Variants in KDM6A observed in about 807,000 individuals in gnomAD.
The protein encoded by KDM6A is lysine-specific demethylase 6A.
In KDM6A, 11 loss-of-function variants were observed where a neutral mutation model predicts 117.6. That is an observed-to-expected ratio of 0.09 (90% confidence interval 0.06 to 0.15). The LOEUF (loss-of-function observed/expected upper bound fraction) is 0.15. KDM6A is among the 10% of genes least tolerant of loss of function. The probability of loss-of-function intolerance (pLI) is 1.00; values close to 1 mark genes in which losing one functional copy is unlikely to be tolerated. For synonymous variants in KDM6A, 384 were observed against 396.1 expected (o/e 0.97, Z 0.36); for missense variants, 799 against 1,077.3 (o/e 0.74, Z 3.62).
At chrX:44,989,608 T>C (rs897937870) in intron 4 of KDM6A, among the ~76,000 whole-genome samples, 3 of 112,179 alleles carry the variant, frequency 2.7e-5, no homozygotes, top group African/African-American at 9.7e-5. Context: ...TGGTAAGTAA[T>C]ACATTGGAAG....
chrX:44,876,910 C>T (rs904259944), intron 2 of KDM6A, among the ~76,000 whole-genome samples: 2 of 110,771 alleles, frequency 1.8e-5, no homozygotes, highest in South Asian at 3.7e-4. Context: ...TATACATATA[C>T]GTATACACAC....
chrX:45,091,533 A>G (rs928312518), intron 27 of KDM6A, among the ~76,000 whole-genome samples: 6 of 111,847 alleles, frequency 5.4e-5, no homozygotes, highest in African/African-American at 1.6e-4. Flanking sequence ...AATTCTGGCT[A>G]TGGAAATATG....
chrX:45,033,104 C>G (rs1481553932), intron 6 of KDM6A, among the ~76,000 whole-genome samples: 5 of 111,924 alleles, frequency 4.5e-5, no homozygotes, highest in Middle Eastern at 4.6e-3. Context: ...GGTCTGTGTT[C>G]TTCTATCTAA....
chrX:44,980,284 G>T (rs764115009), intron 4 of KDM6A, among the ~76,000 whole-genome samples: 2 of 111,268 alleles, frequency 1.8e-5, no homozygotes, highest in African/African-American at 3.3e-5. Context: ...ATGAGCCACC[G>T]CCCGCATCTG....
At chrX:44,920,471 C>G (rs2035850391) in intron 2 of KDM6A, among the ~76,000 whole-genome samples, 1 of 108,918 alleles carries the variant, frequency 9.2e-6, no homozygotes, top group Non-Finnish European at 1.9e-5. Flanking sequence ...CGGAGTCTCG[C>G]TCTGTCGCCC....
At chrX:45,027,369 C>T (rs1448931084) in intron 6 of KDM6A, among the ~76,000 whole-genome samples, 1 of 92,768 alleles carries the variant, frequency 1.1e-5, no homozygotes, top group Non-Finnish European at 2.0e-5. Flanking sequence ...ACACACACAC[C>T]CGCCCGTCTC....
intron 2 of KDM6A, among the ~76,000 whole-genome samples, chrX:44,956,761 C>T (rs758636909): frequency 1.8e-5 from 2 of 111,519 alleles, no homozygotes; most frequent in East Asian, 5.6e-4. Flanking sequence ...GCTTAAATCC[C>T]TTAATCTATT....
intron 8 of KDM6A, among the ~76,000 whole-genome samples, chrX:45,040,338 G>T: frequency 1.1e-5 from 1 of 92,977 alleles, no homozygotes; most frequent in Non-Finnish European, 2.2e-5. Flanking sequence ...CTTCCCAGTA[G>T]GGGCGGCCGG....
chrX:44,882,481 T>C (rs1399487047), intron 2 of KDM6A, among the ~76,000 whole-genome samples: 5 of 112,272 alleles, frequency 4.5e-5, no homozygotes, highest in African/African-American at 1.6e-4. Flanking sequence ...TAAGAAATAA[T>C]TGCTTGGAAA....
intron 2 of KDM6A, among the ~76,000 whole-genome samples, chrX:44,919,113 T>G (rs1433737906): frequency 8.9e-6 from 1 of 112,051 alleles, no homozygotes; most frequent in African/African-American, 3.2e-5. Flanking sequence ...AGAGCATTCC[T>G]GCACTCAGTT....
intron 18 of KDM6A, among the ~76,000 whole-genome samples, chrX:45,075,585 A>C (rs1229754592): frequency 9.0e-6 from 1 of 111,443 alleles, no homozygotes; most frequent in African/African-American, 3.2e-5. Flanking sequence ...TAGTTGAAAA[A>C]ATTAAGAAAG....
intron 3 of KDM6A, among the ~76,000 whole-genome samples, chrX:44,967,100 G>A (rs1448351317): frequency 9.0e-6 from 1 of 111,133 alleles, no homozygotes; most frequent in Non-Finnish European, 1.9e-5. Context: ...TTGATCTCCT[G>A]ACCTTGTGAT....
At chrX:45,030,065 A>AC (rs2042542112) in intron 6 of KDM6A, among the ~76,000 whole-genome samples, 1 of 111,060 alleles carries the variant, frequency 9.0e-6, no homozygotes, top group Non-Finnish European at 1.9e-5. Flanking sequence ...ACGGGCTCAG[A>AC]CCACTTTACT....
At chrX:45,083,853 A>G (rs2045529134) in intron 24 of KDM6A, among the ~76,000 whole-genome samples, 1 of 111,617 alleles carries the variant, frequency 9.0e-6, no homozygotes, top group Non-Finnish European at 1.9e-5. Flanking sequence ...CCACTGGGAA[A>G]TAAGTTCTTT....
In KDM6A at chrX:45,078,306, A is replaced by G. The variant is rs111402519; in HGVS notation, c.2989-94A>G. The G allele has an allele frequency of 2.1e-3, 1,821 of 870,145 alleles. 20 individuals carry two copies. The African/African-American group carries it at 0.031, about 15-fold the overall frequency. 71.7% of individuals were successfully genotyped at this position (870,145 alleles called of 1,213,427 possible). ...TATCACCCCATAAAATGCGTTATTT[A>G]AATTGTGAAAAATAATGAATATTAA... On this transcript the variant is annotated intron_variant, in intron 19 of 29. Coordinates refer to ENST00000611820, the MANE Select transcript of KDM6A (RefSeq NM_001291415.2).
At chrX:44,921,007 T>C (rs2035900048) in intron 2 of KDM6A, among the ~76,000 whole-genome samples, 1 of 106,477 alleles carries the variant, frequency 9.4e-6, no homozygotes, top group Admixed American at 1.0e-4. Flanking sequence ...CCCCAGTAGC[T>C]GGGACTACAG....
At chrX:45,109,422 A>T (rs1244204660) in intron 28 of KDM6A, among the ~76,000 whole-genome samples, 2 of 111,698 alleles carry the variant, frequency 1.8e-5, no homozygotes, top group Non-Finnish European at 3.8e-5. Context: ...TTAACTGTTA[A>T]AAGAAGACAT....
rs906934015 is a variant in KDM6A at position 45,111,314 on chromosome X, A to G, written c.4333-68A>G. On this transcript the variant is annotated intron_variant, in intron 29 of 29. Coordinates refer to ENST00000611820, the MANE Select transcript of KDM6A (RefSeq NM_001291415.2). ...TTTCCCCTAACTTCACAAGCAGACT[A>G]TATGTTTGTAGCCATGAGCTATTAA... The G allele has an allele frequency of 2.1e-5, 18 of 877,469 alleles. No homozygotes were observed. The East Asian group carries it at 2.5e-4, about 12-fold the overall frequency. The allele number at this position is 877,469 out of a possible 1,213,427, so 72.3% of individuals were successfully genotyped here.
intron 2 of KDM6A, among the ~76,000 whole-genome samples, chrX:44,930,877 C>T (rs2146959089): frequency 9.0e-6 from 1 of 111,654 alleles, no homozygotes; most frequent in Non-Finnish European, 1.9e-5. Context: ...CCCATACCTC[C>T]AGTCTGAATA....
Sources: gnomAD v4.1 joint callset for allele counts (sites outside exome capture counted in the v4.1 genomes callset) on GRCh38, gnomAD v4.1.1 for gene constraint, MANE v1.5 for transcripts, NCBI Gene and HGNC (gene_info 2026-07-23, HGNC 2026-07-21) for gene names.